The following GPHN variants were observed in gnomAD, a reference collection of about 807,000 sequenced individuals.
GPHN encodes the protein gephyrin.
In GPHN, 17 loss-of-function variants were observed where a neutral mutation model predicts 95.5. The observed-to-expected ratio is 0.18, with a 90% confidence interval of 0.12 to 0.27. The LOEUF (loss-of-function observed/expected upper bound fraction) is 0.27. Ranked by LOEUF, GPHN falls within the 10% of genes least tolerant of loss-of-function variation. GPHN has a pLI of 1.00. For synonymous variants in GPHN, 320 were observed against 322.5 expected (o/e 0.99, Z 0.08); for missense variants, 660 against 978.1 (o/e 0.67, Z 4.34).
the GPHN span, chr14:67,279,178 C>T: frequency 1.3e-5 from 20 of 1,585,116 alleles, no homozygotes; most frequent in Non-Finnish European, 1.6e-5. Context: ...ACCATGACAA[C>T]ATCCCATATG....
intron 7 of GPHN, among the ~76,000 whole-genome samples, chr14:66,923,261 A>G (rs1409769268): frequency 2.0e-5 from 3 of 152,184 alleles, no homozygotes; most frequent in Non-Finnish European, 4.4e-5. Flanking sequence ...TATAATGTTT[A>G]TATATTCAAA....
chr14:67,159,784 CTTCT>C (rs1156671354), intron 19 of GPHN, among the ~76,000 whole-genome samples: 1 of 152,062 alleles, frequency 6.6e-6, no homozygotes, highest in Non-Finnish European at 1.5e-5. Context: ...CCCCAAACTG[CTTCT>C]TTATCTGTTT....
At chr14:66,635,043 C>G (rs1045298576) in intron 1 of GPHN, among the ~76,000 whole-genome samples, 1 of 152,168 alleles carries the variant, frequency 6.6e-6, no homozygotes, top group African/African-American at 2.4e-5. Context: ...TAGCCTTACT[C>G]ACATGGTTAG....
chr14:67,692,902 A>G, the GPHN span: 1 of 1,377,708 alleles, frequency 7.3e-7, no homozygotes, highest in Non-Finnish European at 1.0e-6. Flanking sequence ...AAACAGCAGT[A>G]ATAGGAGGGA....
At chr14:67,647,893 AT>A in the GPHN span, 1 of 741,224 alleles carries the variant, frequency 1.3e-6, no homozygotes, top group Non-Finnish European at 2.1e-6. Flanking sequence ...ACTTCCAAGA[AT>A]AGGAAGCCTG....
chr14:67,029,520 A>G (rs1176049371), intron 10 of GPHN, among the ~76,000 whole-genome samples: 1 of 151,954 alleles, frequency 6.6e-6, no homozygotes, highest in African/African-American at 2.4e-5. Context: ...TATTTTTAGT[A>G]GAGATGGGAT....
chr14:67,444,400 T>A, the GPHN span, among the ~76,000 whole-genome samples: 1 of 152,212 alleles, frequency 6.6e-6, no homozygotes, highest in Non-Finnish European at 1.5e-5. Flanking sequence ...TGTGATGAAG[T>A]ATGCATTCAG....
intron 5 of GPHN, among the ~76,000 whole-genome samples, chr14:66,886,620 A>G (rs1596280194): frequency 2.0e-5 from 3 of 152,306 alleles, no homozygotes; most frequent in South Asian, 4.2e-4. Context: ...ATTCAAAAGC[A>G]GTTTTCAGCA....
At chr14:66,887,268 C>T (rs1004411976) in intron 5 of GPHN, among the ~76,000 whole-genome samples, 6 of 152,098 alleles carry the variant, frequency 3.9e-5, no homozygotes, top group Non-Finnish European at 8.8e-5. Context: ...GAGAAAAACT[C>T]GTGAAGTTCA....
the GPHN span, chr14:67,690,160 T>C: frequency 3.9e-6 from 6 of 1,535,902 alleles, no homozygotes; most frequent in Non-Finnish European, 5.4e-6. Flanking sequence ...CCTGTGGCTT[T>C]TACCTGCCTC....
At chr14:66,523,019 C>G (rs2058543856) in intron 1 of GPHN, among the ~76,000 whole-genome samples, 1 of 152,028 alleles carries the variant, frequency 6.6e-6, no homozygotes, top group Admixed American at 6.6e-5. Flanking sequence ...CCCTTCAGCT[C>G]TAAAATTTTA....
chr14:67,528,176 GATA>G, the GPHN span, among the ~76,000 whole-genome samples: 1 of 152,160 alleles, frequency 6.6e-6, no homozygotes, highest in African/African-American at 2.4e-5. Flanking sequence ...CTGCTGAGGA[GATA>G]ATAATAACAA....
chr14:66,513,696 A>G (rs1387854465), intron 1 of GPHN, among the ~76,000 whole-genome samples: 2 of 151,916 alleles, frequency 1.3e-5, no homozygotes, highest in Non-Finnish European at 3.0e-5. Flanking sequence ...TTGGGACTGT[A>G]GTCAATATGA....
At chr14:67,353,239 C>T in the GPHN span, among the ~76,000 whole-genome samples, 1 of 152,186 alleles carries the variant, frequency 6.6e-6, no homozygotes, top group Non-Finnish European at 1.5e-5. Flanking sequence ...GAAACAATCT[C>T]CAATGCAACA....
At chr14:66,911,227 G>A (rs2065660390) in intron 5 of GPHN, among the ~76,000 whole-genome samples, 1 of 151,862 alleles carries the variant, frequency 6.6e-6, no homozygotes, top group African/African-American at 2.4e-5. Context: ...AGTCTGTATG[G>A]ACAGAAAATA....
chr14:67,541,924 G>T, the GPHN span: 1 of 1,606,288 alleles, frequency 6.2e-7, no homozygotes, highest in East Asian at 2.2e-5. Flanking sequence ...AACGCTGCCT[G>T]ACCCTGGAAA....
chr14:66,938,365 C>T (rs937845253), intron 8 of GPHN, among the ~76,000 whole-genome samples: 5 of 152,256 alleles, frequency 3.3e-5, no homozygotes, highest in Admixed American at 3.3e-4. Flanking sequence ...AGAGCTTCCT[C>T]ATGTATCCAG....
chr14:66,515,334 A>G (rs1389167868), intron 1 of GPHN, among the ~76,000 whole-genome samples: 1 of 152,186 alleles, frequency 6.6e-6, no homozygotes, highest in African/African-American at 2.4e-5. Context: ...ATTTAGGTAA[A>G]CCAGAACTTG....
intron 10 of GPHN, among the ~76,000 whole-genome samples, chr14:67,052,783 T>C (rs2075363755): frequency 6.6e-6 from 1 of 151,872 alleles, no homozygotes; most frequent in Admixed American, 6.6e-5. Flanking sequence ...GAACTCAAGG[T>C]TAAGAAACTC....
Sources: gnomAD v4.1 joint callset for allele counts (sites outside exome capture counted in the v4.1 genomes callset) on GRCh38, gnomAD v4.1.1 for gene constraint, MANE v1.5 for transcripts, NCBI Gene and HGNC (gene_info 2026-07-23, HGNC 2026-07-21) for gene names.